EFHC2: variants seen among roughly 807,000 people sequenced by gnomAD.
EFHC2 encodes the protein EF-hand domain containing 2, also known as EF-hand domain-containing family member C2.
Under a neutral mutation model 52.7 loss-of-function variants are expected in EFHC2, and 18 were observed. That is an observed-to-expected ratio of 0.34 (90% CI 0.24 to 0.51). EFHC2 has a LOEUF of 0.51. EFHC2 is among the 20% of genes least tolerant of loss of function. The pLI, the probability that EFHC2 is intolerant of heterozygous loss-of-function variation, is 0.97. For missense variants in EFHC2, 513 were observed against 562.5 expected, an observed-to-expected ratio of 0.91 and a Z score of 0.89; for synonymous variants, 203 against 204.1, an observed-to-expected ratio of 0.99 and a Z score of 0.04.
At chrX:44,230,232 G>C (rs2037265546) in intron 10 of EFHC2, among the ~76,000 whole-genome samples, 1 of 111,177 alleles carries the variant, frequency 9.0e-6, no homozygotes, top group South Asian at 3.9e-4. Context: ...AGCAAGGCTG[G>C]GTATCAAAGA....
chrX:44,148,718 A>T lies in EFHC2; in HGVS notation c.*77T>A, dbSNP rs1166579362. 3 of 838,438 alleles carry T rather than the reference A, an allele frequency of 3.6e-6. No individual in the cohort carries two copies. The highest frequency in any genetic ancestry group is 2.1e-5 in the African/African-American group (1 of 47,531). 69.1% of individuals were successfully genotyped at this position (838,438 alleles called of 1,213,427 possible). A position where few individuals can be genotyped will look rare whatever the true frequency, so the allele number is the denominator to read the frequency against. On this transcript the variant is annotated 3_prime_UTR_variant, in exon 15 of 15. Coordinates refer to ENST00000420999, the MANE Select transcript of EFHC2 (RefSeq NM_025184.4). Reference sequence around the variant, plus strand: ...AAACCTTGTTTCTTTTTTGTTTTTAATGAAATTATATCTACTAAAGTAAAT... The same window carrying T: ...AAACCTTGTTTCTTTTTTGTTTTTATTGAAATTATATCTACTAAAGTAAAT...
At chrX:44,272,923 G>T in intron 2 of EFHC2, 87 bp from the exon 3 acceptor site, 1 of 834,822 alleles carries the variant, frequency 1.2e-6, no homozygotes, top group Non-Finnish European at 1.7e-6. Flanking sequence ...TATACTTTTT[G>T]TTAATATAAA....
intron 7 of EFHC2, among the ~76,000 whole-genome samples, 161 bp from the exon 8 acceptor site, chrX:44,242,450 A>G (rs887658170): frequency 2.3e-4 from 25 of 110,343 alleles, no homozygotes; most frequent in African/African-American, 7.9e-4. Flanking sequence ...AGTACTTTTC[A>G]ATCATGTTTA....
chrX:44,233,357 G>T (rs978689268), intron 9 of EFHC2, among the ~76,000 whole-genome samples: 9 of 112,020 alleles, frequency 8.0e-5, no homozygotes, highest in Non-Finnish European at 1.7e-4. Context: ...TTTTCCTACA[G>T]GTAAAATTCC....
intron 1 of EFHC2, among the ~76,000 whole-genome samples, chrX:44,342,734 G>C (rs1319089432): frequency 9.1e-6 from 1 of 109,441 alleles, no homozygotes; most frequent in African/African-American, 3.3e-5. Context: ...AAAATTAGCC[G>C]GTGTGGTGGC....
rs753856788 is a variant in EFHC2 at position 44,277,258 on chromosome X, CAAAAAA to C, written c.232-4428_232-4423del. ...TGGGCGACAGAGCGAGACTCCAGCT[CAAAAAA>C]AAAAAAAAAAAAAAAAATCTTACAG... On this transcript the variant is annotated intron_variant, in intron 2 of 14. Transcript: ENST00000420999. Among the ~76,000 whole-genome samples the C allele has an allele frequency of 8.0e-3, 174 of 21,792 alleles. 1 individual carries two copies. The highest frequency in any genetic ancestry group is 0.026 in the African/African-American group (169 of 6,401). 18.9% of individuals were successfully genotyped at this position (21,792 alleles called of 115,157 possible).
intron 2 of EFHC2, among the ~76,000 whole-genome samples, chrX:44,294,249 CGTGT>C (rs200162737): frequency 0.051 from 4,424 of 87,355 alleles, 114 homozygotes; most frequent in Admixed American, 0.078. Flanking sequence ...GTATACTCAA[CGTGT>C]GTGTGTGTGT....
chrX:44,214,263 G>C (rs73628318), intron 11 of EFHC2, among the ~76,000 whole-genome samples: 3 of 111,507 alleles, frequency 2.7e-5, no homozygotes, highest in African/African-American at 9.8e-5. Flanking sequence ...GATAAATGCC[G>C]AAAACAAAAC....
rs183447941 is a variant in EFHC2, at chrX:44,208,000, G to A, written c.1751+21649C>T. Among the ~76,000 whole-genome samples, 4 of 112,368 alleles carry A rather than the reference G, an allele frequency of 3.6e-5. No homozygotes were observed. In the East Asian group the frequency reaches 1.1e-3, roughly 31 times the overall value. ...ATTAAAAAGTCAAAAAATAACAGAT[G>A]CTGGCAAGGATGCAGAGAAAAGGGA... On this transcript the variant is annotated intron_variant, in intron 11 of 14. Coordinates refer to ENST00000420999, the MANE Select transcript of EFHC2 (RefSeq NM_025184.4).
intron 13 of EFHC2, among the ~76,000 whole-genome samples, chrX:44,164,704 G>T (rs936962785): frequency 9.0e-6 from 1 of 111,663 alleles, no homozygotes; most frequent in African/African-American, 3.2e-5. Flanking sequence ...AGATATCTCT[G>T]GGAAGAGAGA....
intron 11 of EFHC2, among the ~76,000 whole-genome samples, chrX:44,193,638 T>C (rs918279871): frequency 1.3e-4 from 14 of 111,882 alleles, no homozygotes; most frequent in African/African-American, 4.6e-4. Flanking sequence ...TGGGCATTGG[T>C]GTGTGGCTAT....
intron 10 of EFHC2, among the ~76,000 whole-genome samples, chrX:44,231,318 A>T (rs191411261): frequency 8.9e-6 from 1 of 112,029 alleles, no homozygotes. Context: ...GACACAGCAC[A>T]GCAGGGGGAC....
rs771672756 is a variant in EFHC2 at position 44,148,852 on chromosome X, C to T, written c.2193G>A (p.Ala731=). Residue 731 remains alanine, a synonymous_variant, in exon 15 of 15, where the codon GCG becomes GCA. Coordinates refer to ENST00000420999, the MANE Select transcript of EFHC2 (RefSeq NM_025184.4). The part of the protein sequence containing the change: ...VWLGMPSPIP[A]KYIDYWTFLK... ...AAAAGGTCCAGTAGTCAATGTATTT[C>T]GCAGGAATAGGTGATGGCATACCAA... 5.1e-6 allele frequency: 6 copies of T among 1,184,881 alleles called. No individual in the cohort carries two copies. The highest frequency in any genetic ancestry group is 6.1e-5 in the East Asian group (2 of 32,665).
At chrX:44,175,635 A>T (rs1364704128) in intron 13 of EFHC2, among the ~76,000 whole-genome samples, 65 of 111,841 alleles carry the variant, frequency 5.8e-4, no homozygotes, top group Non-Finnish European at 5.6e-5. Context: ...AAATGAGATA[A>T]TATATCCAAA....
At chrX:44,180,661 C>T (rs1285734732) in intron 11 of EFHC2, among the ~76,000 whole-genome samples, 2 of 109,166 alleles carry the variant, frequency 1.8e-5, no homozygotes, top group African/African-American at 6.7e-5. Flanking sequence ...ATCACTTGAA[C>T]CCAACAGGCA....
intron 3 of EFHC2, among the ~76,000 whole-genome samples, chrX:44,269,473 A>T (rs772406990): frequency 8.1e-5 from 9 of 111,051 alleles, no homozygotes; most frequent in Non-Finnish European, 1.5e-4. Flanking sequence ...TGTTTGGGTC[A>T]TGGGGGTGGA....
At chrX:44,314,565 C>T (rs746539148) in intron 1 of EFHC2, among the ~76,000 whole-genome samples, 38 of 110,468 alleles carry the variant, frequency 3.4e-4, no homozygotes, top group Middle Eastern at 9.3e-3. Context: ...CTTAGGGAAT[C>T]AATTGTCGCT....
intron 14 of EFHC2, among the ~76,000 whole-genome samples, chrX:44,160,917 G>A (rs867965917): frequency 3.7e-5 from 4 of 107,220 alleles, no homozygotes; most frequent in African/African-American, 1.4e-4. Context: ...GTGAGACTTC[G>A]TCTCAAAAAA....
At chrX:44,319,443 C>T (rs1353017260) in intron 1 of EFHC2, among the ~76,000 whole-genome samples, 1 of 111,650 alleles carries the variant, frequency 9.0e-6, no homozygotes, top group Non-Finnish European at 1.9e-5. Context: ...TCACTCTTTC[C>T]AGGGATGCCA....
Sources: allele counts gnomAD v4.1 joint callset (sites outside exome capture counted in the v4.1 genomes callset), GRCh38; gene constraint gnomAD v4.1.1; transcripts MANE v1.5; gene names NCBI Gene and HGNC (gene_info 2026-07-23, HGNC 2026-07-21).